Variants in KIF16B observed in about 807,000 individuals in gnomAD.
KIF16B encodes kinesin family member 16B, also known as kinesin-like protein KIF16B.
A neutral mutation model predicts 156.3 loss-of-function variants in KIF16B; 98 were observed. That is an observed-to-expected ratio of 0.63 (90% CI 0.53 to 0.74). The LOEUF is 0.74. Ranked by LOEUF, KIF16B falls within the 30% of genes least tolerant of loss-of-function variation. The probability of loss-of-function intolerance (pLI) is 0.00; values close to 1 mark genes in which losing one functional copy is unlikely to be tolerated. For missense variants in KIF16B, 1,421 were observed against 1,606.5 expected, an observed-to-expected ratio of 0.88 and a Z score of 1.97; for synonymous variants, 564 against 583.7, an observed-to-expected ratio of 0.97 and a Z score of 0.49.
intron 12 of KIF16B, among the ~76,000 whole-genome samples, chr20:16,492,930 G>A (rs6044026): frequency 6.6e-6 from 1 of 152,052 alleles, no homozygotes; most frequent in Non-Finnish European, 1.5e-5. Flanking sequence ...CAGGGGCTGA[G>A]GCACCAACAC....
intron 25 of KIF16B, among the ~76,000 whole-genome samples, chr20:16,285,481 T>C (rs2063209862): frequency 6.6e-6 from 1 of 152,208 alleles, no homozygotes; most frequent in African/African-American, 2.4e-5. Flanking sequence ...TTTTTTTGCG[T>C]ATCTTTCTAT....
chr20:16,377,307 C>T (rs1433146271), intron 19 of KIF16B, among the ~76,000 whole-genome samples: 1 of 152,016 alleles, frequency 6.6e-6, no homozygotes, highest in Non-Finnish European at 1.5e-5. Context: ...TGACTATAAT[C>T]CCGGCACTTT....
chr20:16,307,954 T>C (rs940980216), intron 25 of KIF16B, among the ~76,000 whole-genome samples: 2 of 152,176 alleles, frequency 1.3e-5, no homozygotes, highest in African/African-American at 4.8e-5. Context: ...TACATGTATA[T>C]TTTATATAAT....
chr20:16,534,609 T>C (rs2069884871), intron 1 of KIF16B, among the ~76,000 whole-genome samples: 1 of 152,228 alleles, frequency 6.6e-6, no homozygotes, highest in African/African-American at 2.4e-5. Flanking sequence ...TGAAGAGCTT[T>C]CCCTATGTTC....
At chr20:16,331,252 T>TG (rs766248076) in intron 24 of KIF16B, among the ~76,000 whole-genome samples, 3 of 152,138 alleles carry the variant, frequency 2.0e-5, no homozygotes, top group Non-Finnish European at 4.4e-5. Flanking sequence ...AATTTATTAT[T>TG]GGGGAAAAAA....
At chr20:16,459,318 A>C (rs1198904196) in intron 12 of KIF16B, among the ~76,000 whole-genome samples, 1 of 152,214 alleles carries the variant, frequency 6.6e-6, no homozygotes, top group Non-Finnish European at 1.5e-5. Flanking sequence ...TAATATACTT[A>C]ATCAACACTG....
At chr20:16,571,534 A>T (rs1012793925) in intron 1 of KIF16B, among the ~76,000 whole-genome samples, 2 of 148,080 alleles carry the variant, frequency 1.4e-5, no homozygotes, top group African/African-American at 5.0e-5. Context: ...GCCAGTACAT[A>T]ATCCCTCTCT....
intron 11 of KIF16B, among the ~76,000 whole-genome samples, chr20:16,495,102 A>T (rs2068412576): frequency 6.6e-6 from 1 of 152,216 alleles, no homozygotes. Flanking sequence ...AAAAATATGA[A>T]TGAAAAATGC....
intron 17 of KIF16B, among the ~76,000 whole-genome samples, chr20:16,396,603 C>T (rs570626742): frequency 6.7e-6 from 1 of 148,308 alleles, no homozygotes; most frequent in African/African-American, 2.5e-5. Context: ...GTGGAAGAAA[C>T]AGAGGTATGG....
In KIF16B at chr20:16,367,379, GAAC is replaced by G. The variant is rs551420946; in HGVS notation, c.3498+3204_3498+3206del. The G allele has an allele frequency of 6.6e-5, 107 of 1,612,802 alleles. No individual in the cohort carries two copies. In the African/African-American group the frequency reaches 6.9e-4, roughly 10 times the overall value. On this transcript the variant is annotated intron_variant, in intron 22 of 25. Coordinates refer to ENST00000354981, the MANE Select transcript of KIF16B (RefSeq NM_024704.5). Reference sequence around the variant, plus strand: ...ACTGTTGACACATTTTTCTTTTCTGGAACAACAACACACCTGAATTCACTTAAA... The same window carrying G: ...ACTGTTGACACATTTTTCTTTTCTGGAACAACACACCTGAATTCACTTAAA...
intron 12 of KIF16B, among the ~76,000 whole-genome samples, chr20:16,450,096 T>C (rs2067038330): frequency 6.6e-6 from 1 of 152,188 alleles, no homozygotes; most frequent in Non-Finnish European, 1.5e-5. Flanking sequence ...TCAAAAATTA[T>C]AAATGTGATC....
intron 24 of KIF16B, among the ~76,000 whole-genome samples, chr20:16,316,947 T>A (rs2063707249): frequency 6.6e-6 from 1 of 152,222 alleles, no homozygotes; most frequent in Non-Finnish European, 1.5e-5. Context: ...CTGAAAGTGC[T>A]GTTTTCTGAA....
intron 12 of KIF16B, among the ~76,000 whole-genome samples, chr20:16,437,865 GCT>G (rs1317572801): frequency 1.3e-5 from 2 of 151,914 alleles, no homozygotes; most frequent in Non-Finnish European, 2.9e-5. Flanking sequence ...GGGCGTGGTG[GCT>G]CATGCCTGTA....
Position 16,528,359 on chromosome 20 carries a change from G to A in KIF16B, c.117+12C>T. 1 of 1,608,496 alleles carries A rather than the reference G, an allele frequency of 6.2e-7. No homozygotes were observed. ...GCTCTTGGAACTTAAGCAAGGCCAG[G>A]TCATGACTTGCCTTTAAGTTTGTGA... is the stretch of plus-strand genomic sequence containing the variant. On this transcript the variant is annotated intron_variant, in intron 2 of 25. Transcript: ENST00000354981.
chr20:16,359,653 A>AC (rs1491502948), intron 22 of KIF16B, among the ~76,000 whole-genome samples: 2 of 110,204 alleles, frequency 1.8e-5, no homozygotes, highest in East Asian at 2.1e-4. Flanking sequence ...TAGATTCTTT[A>AC]CAAAAAAAAA....
chr20:16,379,912 T>C lies in KIF16B; in HGVS notation c.2090A>G (p.Gln697Arg). ...GACGCGGAGAAAGGTCTCTTCTTCTTGTCTCTTCTTCTGCAGCTCGATTTC... is the reference window on the plus strand; with the variant it reads ...GACGCGGAGAAAGGTCTCTTCTTCTCGTCTCTTCTTCTGCAGCTCGATTTC... The part of the protein sequence containing the change: ...QQEIELQKKR[Q>R]EEETFLRVQE... The change falls in exon 19 of 26, where the codon CAA becomes CGA. Residue 697 changes from glutamine (Q) to arginine (R), a missense_variant. Physicochemically the swap from Gln to Arg is conservative, Grantham distance 43. Transcript: ENST00000354981. 1 of 1,614,194 alleles carries C rather than the reference T, an allele frequency of 6.2e-7. No homozygotes were observed. The highest frequency in any genetic ancestry group is 8.5e-7 in the Non-Finnish European group (1 of 1,180,022).
At chr20:16,417,278 G>A (rs1040480225) in intron 15 of KIF16B, among the ~76,000 whole-genome samples, 10 of 152,062 alleles carry the variant, frequency 6.6e-5, no homozygotes, top group Admixed American at 1.3e-4. Context: ...TGAACTAAGC[G>A]ACAGACCACT....
At chr20:16,284,663 G>A (rs765353166) in intron 25 of KIF16B, among the ~76,000 whole-genome samples, 11 of 152,078 alleles carry the variant, frequency 7.2e-5, no homozygotes, top group Non-Finnish European at 1.3e-4. Context: ...AGTTCCTCAC[G>A]AGCTCAAAGA....
At chr20:16,549,011 G>GTT (rs71192340) in intron 1 of KIF16B, among the ~76,000 whole-genome samples, 11 of 140,976 alleles carry the variant, frequency 7.8e-5, no homozygotes, top group South Asian at 2.2e-4. Context: ...CTCATTTTCG[G>GTT]TTTTTTTTTT....
Sources: allele counts gnomAD v4.1 joint callset (sites outside exome capture counted in the v4.1 genomes callset), GRCh38; gene constraint gnomAD v4.1.1; transcripts MANE v1.5; gene names NCBI Gene and HGNC (gene_info 2026-07-23, HGNC 2026-07-21).